Variants in RANBP17 observed in about 807,000 individuals in gnomAD.
RANBP17 encodes the protein RAN binding protein 17.
In RANBP17, 158 loss-of-function variants were observed where a neutral mutation model predicts 141.2. That is an observed-to-expected ratio of 1.12 (90% CI 0.98 to 1.28). RANBP17 has a LOEUF of 1.28. Among genes scored for constraint, RANBP17 ranks in the 50% most tolerant of loss-of-function variants. RANBP17 has a pLI of 0.00. For missense variants in RANBP17, 1,438 were observed against 1,290.7 expected (o/e 1.11, Z -1.75); for synonymous variants, 430 against 450.0 (o/e 0.96, Z 0.56).
At chr5:170,905,165 G>A (rs1318301991) in intron 5 of RANBP17, among the ~76,000 whole-genome samples, 1 of 152,108 alleles carries the variant, frequency 6.6e-6, no homozygotes, top group Non-Finnish European at 1.5e-5. Context: ...TTCAGAAGCT[G>A]TACTTCTCCC....
intron 14 of RANBP17, among the ~76,000 whole-genome samples, chr5:171,094,890 G>T (rs113288219): frequency 1.3e-5 from 2 of 152,248 alleles, no homozygotes; most frequent in South Asian, 2.1e-4. Flanking sequence ...CCCAAAGTTT[G>T]TGTGTTTGAA....
chr5:171,263,970 G>A (rs562002893), intron 24 of RANBP17, among the ~76,000 whole-genome samples: 1 of 152,324 alleles, frequency 6.6e-6, no homozygotes, highest in South Asian at 2.1e-4. Context: ...GCTGAGGTGG[G>A]AGGATCACTT....
intron 18 of RANBP17, among the ~76,000 whole-genome samples, chr5:171,191,599 A>G (rs909688037): frequency 6.6e-6 from 1 of 152,068 alleles, no homozygotes; most frequent in Non-Finnish European, 1.5e-5. Context: ...AGGCAGGAGA[A>G]TGGCGTGAAC....
chr5:171,160,949 C>T lies in RANBP17; in HGVS notation c.1711-9181C>T, dbSNP rs537508065. ...CTGAGATTACAGGCGCGTGCCACCA[C>T]GCCCTGCTAATTTTTTGTATTTTTA... On this transcript the variant is annotated intron_variant, in intron 14 of 27. Transcript: ENST00000523189. Among the ~76,000 whole-genome samples, 8 of 152,202 alleles carry T rather than the reference C, an allele frequency of 5.3e-5. No homozygotes were observed. In the South Asian group the frequency reaches 6.2e-4, roughly 12 times the overall value.
intron 14 of RANBP17, among the ~76,000 whole-genome samples, chr5:170,985,437 A>G (rs1366701875): frequency 6.6e-6 from 1 of 152,214 alleles, no homozygotes; most frequent in South Asian, 2.1e-4. Context: ...CCAAAACAGG[A>G]TACCAGAAAT....
chr5:170,991,200 T>G (rs997881337), intron 14 of RANBP17, among the ~76,000 whole-genome samples: 1 of 151,950 alleles, frequency 6.6e-6, no homozygotes, highest in African/African-American at 2.4e-5. Context: ...TTTGAAGATT[T>G]TACAGCAGCT....
intron 1 of RANBP17, chr5:170,863,655 G>C (rs1221168862): frequency 6.6e-6 from 1 of 152,160 alleles, no homozygotes; most frequent in South Asian, 2.1e-4. Flanking sequence ...TGTTCACAGA[G>C]CCCGAGTAAA....
chr5:171,065,583 C>T (rs573230030), intron 14 of RANBP17, among the ~76,000 whole-genome samples: 25 of 151,950 alleles, frequency 1.6e-4, no homozygotes, highest in African/African-American at 6.0e-4. Flanking sequence ...GCTTTGGGAT[C>T]CCTCCCCGCC....
intron 14 of RANBP17, among the ~76,000 whole-genome samples, chr5:171,027,479 G>A (rs1389119333): frequency 6.6e-6 from 1 of 151,990 alleles, no homozygotes; most frequent in Non-Finnish European, 1.5e-5. Context: ...ATATAGTATT[G>A]TAGCTTTTTT....
At chr5:171,126,750 A>T (rs1226823536) in intron 14 of RANBP17, among the ~76,000 whole-genome samples, 1 of 152,192 alleles carries the variant, frequency 6.6e-6, no homozygotes, top group Non-Finnish European at 1.5e-5. Context: ...CTGTACACAT[A>T]CAACTTACCA....
At chr5:171,103,362 C>T (rs1787311566) in intron 14 of RANBP17, among the ~76,000 whole-genome samples, 2 of 152,168 alleles carry the variant, frequency 1.3e-5, no homozygotes, top group Admixed American at 6.5e-5. Context: ...CAGTGGATTC[C>T]ACCCAGTTCA....
intron 16 of RANBP17, among the ~76,000 whole-genome samples, chr5:171,176,844 C>T (rs1404982849): frequency 1.3e-5 from 2 of 152,108 alleles, no homozygotes; most frequent in East Asian, 3.9e-4. Flanking sequence ...CTGACCTTCC[C>T]ACCATTTGGG....
chr5:171,270,217 A>G (rs991679160), intron 25 of RANBP17, among the ~76,000 whole-genome samples: 2 of 152,212 alleles, frequency 1.3e-5, no homozygotes, highest in African/African-American at 4.8e-5. Context: ...TAGAGCTTCA[A>G]AATTTTTAAA....
At chr5:171,046,785 C>T (rs1422016379) in intron 14 of RANBP17, among the ~76,000 whole-genome samples, 6 of 152,014 alleles carry the variant, frequency 3.9e-5, no homozygotes, top group Non-Finnish European at 8.8e-5. Flanking sequence ...CATTATCTTG[C>T]CATCAATGTC....
rs1018125416 is a variant in RANBP17, at chr5:171,288,288, C to A, written c.2944-5595C>A. Among the ~76,000 whole-genome samples, 222 of 152,316 alleles carry A rather than the reference C, an allele frequency of 1.5e-3. 2 individuals are homozygous for A. Among genetic ancestry groups the A allele is most frequent in the African/African-American group, 5.1e-3 (211 of 41,572 alleles). ...ACCACAAGAATTTCAGTGGTGGCCTCACTCATCAGTAGGCGCCAAGGGTGT... is the reference window on the plus strand; with the variant it reads ...ACCACAAGAATTTCAGTGGTGGCCTAACTCATCAGTAGGCGCCAAGGGTGT... On this transcript the variant is annotated intron_variant, in intron 25 of 27. Transcript: ENST00000523189.
intron 14 of RANBP17, among the ~76,000 whole-genome samples, chr5:170,988,015 C>G (rs1047542641): frequency 6.6e-6 from 1 of 151,448 alleles, no homozygotes. Context: ...ATACATTAAA[C>G]ACTTACTCTC....
chr5:171,087,349 T>C (rs1314313711), intron 14 of RANBP17, among the ~76,000 whole-genome samples: 1 of 152,050 alleles, frequency 6.6e-6, no homozygotes, highest in Non-Finnish European at 1.5e-5. Context: ...TAATTTCTGT[T>C]CTTTTACATT....
At chr5:171,172,795 AATTT>A (rs577110079) in intron 16 of RANBP17, among the ~76,000 whole-genome samples, 9 of 151,798 alleles carry the variant, frequency 5.9e-5, no homozygotes, top group Non-Finnish European at 1.3e-4. Flanking sequence ...CATAATGCCT[AATTT>A]ATTTGTATCT....
intron 13 of RANBP17, among the ~76,000 whole-genome samples, chr5:170,955,691 G>A (rs1775638024): frequency 1.6e-5 from 1 of 60,838 alleles, no homozygotes; most frequent in Non-Finnish European, 3.3e-5. Context: ...TACACTGAAT[G>A]AACTCTGTAG....
Sources: gnomAD v4.1 joint callset for allele counts (sites outside exome capture counted in the v4.1 genomes callset) on GRCh38, gnomAD v4.1.1 for gene constraint, MANE v1.5 for transcripts, NCBI Gene and HGNC (gene_info 2026-07-23, HGNC 2026-07-21) for gene names.